The following ENTHD1 variants were observed in gnomAD, a reference collection of about 807,000 sequenced individuals.
ENTHD1 encodes the protein ENTH domain containing 1, also known as ENTH domain-containing protein 1.
ENTHD1 carries 23 observed loss-of-function variants against 39.1 expected under a neutral mutation model. The ratio of observed to expected loss-of-function variants is 0.59; its 90% CI spans 0.42 to 0.83. The LOEUF is 0.83. Ranked by LOEUF, ENTHD1 falls within the 40% of genes least tolerant of loss-of-function variation. The pLI is 0.00. For synonymous variants in ENTHD1, 230 were observed against 258.2 expected (o/e 0.89, Z 1.05); for missense variants, 624 against 705.4 (o/e 0.88, Z 1.31).
chr22:39,873,554 T>G (rs1177084208), intron 2 of ENTHD1, among the ~76,000 whole-genome samples: 1 of 152,218 alleles, frequency 6.6e-6, no homozygotes, highest in Non-Finnish European at 1.5e-5. Flanking sequence ...CAGCCATAAA[T>G]TGGATATGTA....
chr22:39,746,170 T>C (rs530951744), intron 6 of ENTHD1, among the ~76,000 whole-genome samples: 1 of 152,302 alleles, frequency 6.6e-6, no homozygotes, highest in African/African-American at 2.4e-5. Flanking sequence ...GGACTAGTCT[T>C]CTAATTTTCT....
At chr22:39,787,221 G>C (rs1202603047) in intron 5 of ENTHD1, among the ~76,000 whole-genome samples, 1 of 152,128 alleles carries the variant, frequency 6.6e-6, no homozygotes. Context: ...GATAAATGCT[G>C]TGTGTGTTCT....
At chr22:39,756,197 A>G (rs2065182749) in intron 6 of ENTHD1, among the ~76,000 whole-genome samples, 1 of 152,084 alleles carries the variant, frequency 6.6e-6, no homozygotes, top group Non-Finnish European at 1.5e-5. Context: ...CCAATTCTGA[A>G]ATAATTTGGC....
chr22:39,850,907 G>GTATC (rs2066031294), intron 3 of ENTHD1, among the ~76,000 whole-genome samples: 1 of 151,950 alleles, frequency 6.6e-6, no homozygotes, highest in Non-Finnish European at 1.5e-5. Context: ...TTATACATAC[G>GTATC]TATCTATATT....
intron 6 of ENTHD1, among the ~76,000 whole-genome samples, chr22:39,756,128 G>A (rs2065182193): frequency 6.6e-6 from 1 of 152,122 alleles, no homozygotes; most frequent in African/African-American, 2.4e-5. Flanking sequence ...TGCCTCTTCT[G>A]TGGAACTAGG....
intron 2 of ENTHD1, among the ~76,000 whole-genome samples, chr22:39,883,671 T>G (rs973156985): frequency 5.3e-5 from 8 of 151,930 alleles, no homozygotes; most frequent in Non-Finnish European, 1.2e-4. Flanking sequence ...TTAATCAGGT[T>G]TATTTCTATA....
At chr22:39,780,375 C>CAAA (rs34934042) in intron 5 of ENTHD1, among the ~76,000 whole-genome samples, 2,605 of 134,100 alleles carry the variant, frequency 0.019, 38 homozygotes, top group Non-Finnish European at 0.027. Context: ...AGACTAGTCT[C>CAAA]AAAAAAAAAA....
chr22:39,824,217 T>C (rs1348561605), intron 4 of ENTHD1, among the ~76,000 whole-genome samples: 1 of 140,458 alleles, frequency 7.1e-6, no homozygotes, highest in Non-Finnish European at 1.5e-5. Flanking sequence ...TTTTTTTTTT[T>C]TTTTTTTTTT....
intron 3 of ENTHD1, among the ~76,000 whole-genome samples, chr22:39,836,801 G>A (rs947834401): frequency 5.9e-5 from 9 of 152,234 alleles, no homozygotes; most frequent in African/African-American, 1.7e-4. Context: ...GTTTAAAAGT[G>A]TGTAGCACCT....
chr22:39,883,855 C>CAAAAA (rs137949), intron 2 of ENTHD1, among the ~76,000 whole-genome samples: 74 of 68,298 alleles, frequency 1.1e-3, no homozygotes, highest in African/African-American at 1.6e-3. Context: ...CTCTGTCCCA[C>CAAAAA]AAAAAAAAAA....
intron 3 of ENTHD1, among the ~76,000 whole-genome samples, chr22:39,859,412 C>A (rs1007497607): frequency 1.3e-5 from 2 of 152,204 alleles, no homozygotes; most frequent in African/African-American, 4.8e-5. Context: ...CAGCCTGTTT[C>A]GGCTTTCAAC....
intron 3 of ENTHD1, among the ~76,000 whole-genome samples, chr22:39,853,794 T>A (rs2146710082): frequency 6.6e-6 from 1 of 152,212 alleles, no homozygotes; most frequent in East Asian, 1.9e-4. Context: ...GGGCTGGTCT[T>A]GAACTCCTGG....
chr22:39,856,293 AAAAG>A (rs1207168151), intron 3 of ENTHD1, among the ~76,000 whole-genome samples: 1 of 151,708 alleles, frequency 6.6e-6, no homozygotes, highest in Non-Finnish European at 1.5e-5. Flanking sequence ...AAAAAAAAAA[AAAAG>A]AATGTCCCCT....
At chr22:39,857,213 C>T (rs950505656) in intron 3 of ENTHD1, among the ~76,000 whole-genome samples, 1 of 151,986 alleles carries the variant, frequency 6.6e-6, no homozygotes, top group African/African-American at 2.4e-5. Context: ...GAGGCTGAGG[C>T]AGGCAGATCA....
intron 5 of ENTHD1, among the ~76,000 whole-genome samples, chr22:39,765,834 C>T (rs2065272351): frequency 6.6e-6 from 1 of 151,758 alleles, no homozygotes; most frequent in African/African-American, 2.4e-5. Context: ...TCCCTCTCTC[C>T]TCACTGAAGC....
At position 39,820,996 on chromosome 22, in the gene ENTHD1, C is replaced by G; in HGVS notation, c.829G>C (p.Ala277Pro). Reference protein sequence around the residue: ...EAEEVCNLSGADAVPTLSENS... With the variant: ...EAEEVCNLSGPDAVPTLSENS... ...TCCTATTCCTTAACCAATTTACCTG[C>G]ACCCGAAAGATTACAAACTTCTTCT... Residue 277 changes from alanine to proline, a missense_variant, in exon 5 of 7, where the codon GCA (alanine) becomes CCA (proline). By Grantham distance (27) the Ala-to-Pro change is conservative. Transcript: ENST00000325157. 1 of 1,613,890 alleles carries G rather than the reference C, an allele frequency of 6.2e-7. No individual in the cohort carries two copies. The highest frequency in any genetic ancestry group is 8.5e-7 in the Non-Finnish European group (1 of 1,179,884).
intron 5 of ENTHD1, among the ~76,000 whole-genome samples, chr22:39,775,520 A>C (rs2065359119): frequency 6.6e-6 from 1 of 152,340 alleles, no homozygotes; most frequent in Admixed American, 6.5e-5. Context: ...CAAATCCCAA[A>C]TCAATGTTAT....
chr22:39,855,204 G>T (rs1164966520), intron 3 of ENTHD1, among the ~76,000 whole-genome samples: 1 of 152,162 alleles, frequency 6.6e-6, no homozygotes. Flanking sequence ...AGGAAGCTCA[G>T]TTCTGTGACT....
chr22:39,826,873 T>A (rs1250038425), intron 4 of ENTHD1, among the ~76,000 whole-genome samples: 1 of 145,764 alleles, frequency 6.9e-6, no homozygotes, highest in African/African-American at 2.5e-5. Context: ...AAGATCAGAG[T>A]GACTTTTTTT....
Sources: allele counts gnomAD v4.1 joint callset (sites outside exome capture counted in the v4.1 genomes callset), GRCh38; gene constraint gnomAD v4.1.1; transcripts MANE v1.5; gene names NCBI Gene and HGNC (gene_info 2026-07-23, HGNC 2026-07-21).